Variants in FSTL1 observed in about 807,000 individuals in gnomAD.
FSTL1 encodes the protein follistatin like 1, also known as follistatin-related protein 1.
A neutral mutation model predicts 45.9 loss-of-function variants in FSTL1; 24 were observed. That is an observed-to-expected ratio of 0.52 (90% CI 0.38 to 0.74). The LOEUF (loss-of-function observed/expected upper bound fraction) is 0.74, where lower values mean the gene tolerates loss of function less well. FSTL1 is among the 30% of genes least tolerant of loss of function. The pLI, the probability that FSTL1 is intolerant of heterozygous loss-of-function variation, is 0.00. For missense variants in FSTL1, 340 were observed against 381.8 expected (o/e 0.89, Z 0.91); for synonymous variants, 120 against 137.6 (o/e 0.87, Z 0.89).
intron 2 of FSTL1, among the ~76,000 whole-genome samples, chr3:120,437,667 G>A (rs748676599): frequency 7.2e-5 from 11 of 152,058 alleles, no homozygotes; most frequent in Admixed American, 3.9e-4. Flanking sequence ...CTGGGGCACA[G>A]CAAAATTTAA....
At chr3:120,407,325 G>A (rs148415187) in intron 6 of FSTL1, among the ~76,000 whole-genome samples, 1 of 152,188 alleles carries the variant, frequency 6.6e-6, no homozygotes, top group Non-Finnish European at 1.5e-5. Flanking sequence ...AGATAAGAAG[G>A]CTGGCTCAAG....
At chr3:120,404,271 C>G (rs1936903050) in intron 7 of FSTL1, among the ~76,000 whole-genome samples, 1 of 152,182 alleles carries the variant, frequency 6.6e-6, no homozygotes. Flanking sequence ...AAGAATCCTT[C>G]TAGAAACTGT....
At chr3:120,438,758 T>C (rs1267906695) in intron 2 of FSTL1, among the ~76,000 whole-genome samples, 1 of 152,166 alleles carries the variant, frequency 6.6e-6, no homozygotes, top group African/African-American at 2.4e-5. Context: ...TGCCACTGTC[T>C]GTCCTGAGTT....
chr3:120,393,815 C>A lies in FSTL1; in HGVS notation c.*3137G>T, dbSNP rs1936636815. On this transcript the variant is annotated 3_prime_UTR_variant, in exon 11 of 11. Transcript: ENST00000295633. ...TAACCCTCATGAATGGGTAAGTGCC[C>A]TTATAAAAGAGGCCTAAGGGAGTTT... 1 of 152,038 alleles carries A rather than the reference C, an allele frequency of 6.6e-6. No individual in the cohort carries two copies. The highest frequency in any genetic ancestry group is 2.1e-4 in the South Asian group (1 of 4,814). 9.4% of individuals were successfully genotyped at this position (152,038 alleles called of 1,614,324 possible).
chr3:120,443,139 A>G (rs1937661224), intron 2 of FSTL1, among the ~76,000 whole-genome samples: 1 of 149,420 alleles, frequency 6.7e-6, no homozygotes, highest in African/African-American at 2.6e-5. Flanking sequence ...GCTGCCATCT[A>G]CTGGACATAC....
chr3:120,448,140 T>C (rs2107675114), intron 2 of FSTL1, among the ~76,000 whole-genome samples: 1 of 152,380 alleles, frequency 6.6e-6, no homozygotes, highest in South Asian at 2.1e-4. Context: ...AAAAATATGC[T>C]GAATTAAATA....
chr3:120,439,604 G>A (rs1000200869), intron 2 of FSTL1, among the ~76,000 whole-genome samples: 1 of 152,154 alleles, frequency 6.6e-6, no homozygotes, highest in African/African-American at 2.4e-5. Context: ...TGGGTTTGGG[G>A]AGCTTTGCAC....
At position 120,404,936 on chromosome 3, in the gene FSTL1, A is replaced by T. The variant is rs780659891; in HGVS notation, c.498T>A (p.Ser166Arg). 1.2e-6 allele frequency: 2 copies of T among 1,600,108 alleles called. No homozygotes were observed. Among genetic ancestry groups the T allele is most frequent in the Non-Finnish European group, 1.7e-6 (2 of 1,167,144 alleles). Residue 166 changes from serine (S) to arginine (R), a missense_variant, in exon 7 of 11, where the codon AGT becomes AGA. By Grantham distance (110) the Ser-to-Arg change is moderately radical (BLOSUM62 -1). Transcript: ENST00000295633. ...TCTGTTCCACAAACTTCAGGAATTC[A>T]CTGGAGTCCAGGCGAGAATCACCAT... ...FDNGDSRLDS[S>R]EFLKFVEQNE...
intron 2 of FSTL1, chr3:120,423,100 C>A (rs1937312538): frequency 6.6e-6 from 1 of 152,118 alleles, no homozygotes. Flanking sequence ...GTATTGTGTG[C>A]CTGGAAATTA....
Position 120,394,475 on chromosome 3 carries a change from T to G in FSTL1, c.*2477A>C, listed in dbSNP as rs916912744. On this transcript the variant is annotated 3_prime_UTR_variant, in exon 11 of 11. Coordinates refer to ENST00000295633, the MANE Select transcript of FSTL1 (RefSeq NM_007085.5). ...AGGTGTAAAGGAAAGACATTCAGAC[T>G]GGTCCACGTGGGCTTGTTAGCAGGC... is the stretch of plus-strand genomic sequence containing the variant. 2.6e-5 allele frequency: 4 copies of G among 152,248 alleles called. No individual in the cohort carries two copies. The highest frequency in any genetic ancestry group is 9.6e-5 in the African/African-American group (4 of 41,460). The allele number at this position is 152,248 out of a possible 1,614,324, so 9.4% of individuals were successfully genotyped here.
chr3:120,420,268 G>A (rs920355185), intron 2 of FSTL1, among the ~76,000 whole-genome samples: 5 of 152,332 alleles, frequency 3.3e-5, no homozygotes, highest in African/African-American at 1.2e-4. Context: ...GCACATGGAT[G>A]TTTTCTAGGA....
chr3:120,410,449 T>C (rs554126209), intron 5 of FSTL1: 2 of 268,324 alleles, frequency 7.5e-6, no homozygotes, highest in Non-Finnish European at 1.5e-5. Context: ...ATCTATATGG[T>C]AATTACAATA....
chr3:120,400,112 G>T, intron 9 of FSTL1, 153 bp from the exon 10 acceptor site: 1 of 640,436 alleles, frequency 1.6e-6, no homozygotes, highest in Non-Finnish European at 2.8e-6. Flanking sequence ...AAGGCATGAA[G>T]GGGCCCTGTG....
intron 3 of FSTL1, among the ~76,000 whole-genome samples, chr3:120,413,412 T>C (rs991831212): frequency 6.6e-6 from 1 of 152,114 alleles, no homozygotes; most frequent in Non-Finnish European, 1.5e-5. Context: ...CCACATCTAG[T>C]TGTACAATTT....
At position 120,402,934 on chromosome 3, in the gene FSTL1, T is replaced by C; in HGVS notation, c.695-16A>G. On this transcript the variant is annotated splice_polypyrimidine_tract_variant and intron_variant, in intron 8 of 10. Coordinates refer to ENST00000295633, the MANE Select transcript of FSTL1 (RefSeq NM_007085.5). ...AGGGCACACTCTGTTGGGCCAGAAA[T>C]ACGGGGCAACAGTTTAGCTGTGAGG... The C allele has an allele frequency of 3.3e-6, 5 of 1,496,772 alleles. No homozygotes were observed. Among genetic ancestry groups the C allele is most frequent in the Non-Finnish European group, 4.7e-6 (5 of 1,073,042 alleles). 92.7% of individuals were successfully genotyped at this position (1,496,772 alleles called of 1,614,324 possible).
intron 2 of FSTL1, among the ~76,000 whole-genome samples, chr3:120,419,855 A>G (rs774048646): frequency 6.6e-6 from 1 of 152,204 alleles, no homozygotes; most frequent in Non-Finnish European, 1.5e-5. Flanking sequence ...CCCAGGGCCA[A>G]TGTTAATTTT....
intron 2 of FSTL1, among the ~76,000 whole-genome samples, chr3:120,435,930 C>CAAATGTGTATGGGGAATTTGGAGGA (rs1279241758): frequency 2.0e-5 from 3 of 152,046 alleles, no homozygotes; most frequent in African/African-American, 7.2e-5. Context: ...TCTATTTGAT[C>CAAATGTGTATGGGGAATTTGGAGGA]AAATGTGTAT....
chr3:120,407,555 T>C (rs1936970915), intron 6 of FSTL1, among the ~76,000 whole-genome samples: 1 of 152,252 alleles, frequency 6.6e-6, no homozygotes. Context: ...AATTTGGTTT[T>C]TGAACAATTT....
rs768114399 is a variant in FSTL1, at chr3:120,395,664, G to T, written c.*1288C>A. The T allele has an allele frequency of 3.7e-6, 2 of 534,234 alleles. No individual in the cohort carries two copies. Among genetic ancestry groups the T allele is most frequent in the South Asian group, 1.4e-5 (1 of 71,514 alleles). 33.1% of individuals were successfully genotyped at this position (534,234 alleles called of 1,614,324 possible). ...CTGACATTTCTTGTTCTAGTAACAA[G>T]ATTTCATTTATTCTATAGAGAAGAA... On this transcript the variant is annotated 3_prime_UTR_variant, in exon 11 of 11. Transcript: ENST00000295633.
Sources: allele counts gnomAD v4.1 joint callset (sites outside exome capture counted in the v4.1 genomes callset), GRCh38; gene constraint gnomAD v4.1.1; transcripts MANE v1.5; gene names NCBI Gene and HGNC (gene_info 2026-07-23, HGNC 2026-07-21).